Variants in CNTNAP2 observed in about 807,000 individuals in gnomAD.
CNTNAP2 encodes the protein contactin associated protein 2, also known as contactin-associated protein-like 2.
A neutral mutation model predicts 155.2 loss-of-function variants in CNTNAP2; 98 were observed. That is an observed-to-expected ratio of 0.63 (90% CI 0.54 to 0.75). CNTNAP2 has a LOEUF of 0.75. Ranked by LOEUF, CNTNAP2 falls within the 30% of genes least tolerant of loss-of-function variation. CNTNAP2 has a pLI of 0.00. For synonymous variants in CNTNAP2, 651 were observed against 631.2 expected (o/e 1.03, Z -0.47); for missense variants, 1,727 against 1,688.1 (o/e 1.02, Z -0.40).
intron 12 of CNTNAP2, among the ~76,000 whole-genome samples, chr7:147,627,893 A>T (rs1290045604): frequency 6.6e-6 from 1 of 151,240 alleles, no homozygotes; most frequent in Admixed American, 6.6e-5. Flanking sequence ...TTGGAGCTCA[A>T]AGACAAGGCT....
At chr7:146,206,311 T>C (rs1798945925) in intron 1 of CNTNAP2, among the ~76,000 whole-genome samples, 1 of 151,888 alleles carries the variant, frequency 6.6e-6, no homozygotes, top group Non-Finnish European at 1.5e-5. Flanking sequence ...CATACTATGT[T>C]GTGCTTAATG....
intron 12 of CNTNAP2, among the ~76,000 whole-genome samples, chr7:147,563,001 G>A (rs573037504): frequency 8.6e-4 from 131 of 152,302 alleles, no homozygotes; most frequent in Admixed American, 1.8e-3. Flanking sequence ...TAAGGGTAAT[G>A]ATAATAAGAT....
intron 3 of CNTNAP2, among the ~76,000 whole-genome samples, chr7:146,942,173 A>G (rs1234133853): frequency 6.6e-6 from 1 of 152,056 alleles, no homozygotes; most frequent in Non-Finnish European, 1.5e-5. Flanking sequence ...TCTTATGCAC[A>G]CTGGAATGGA....
Position 146,824,720 on chromosome 7 carries a change from T to A in CNTNAP2, c.209-14991T>A, listed in dbSNP as rs143977402. Among the ~76,000 whole-genome samples the A allele has an allele frequency of 2.6e-3, 391 of 152,276 alleles. 1 individual carries two copies. The highest frequency in any genetic ancestry group is 6.8e-3 in the Middle Eastern group (2 of 294). On this transcript the variant is annotated intron_variant, in intron 2 of 23. Transcript: ENST00000361727. ...GTCCAGTATGCTTTTTGTTATAATA[T>A]GTTACTTAAAGCTCAGACAGGAAAT...
At chr7:147,852,541 A>T (rs1476253883) in intron 13 of CNTNAP2, among the ~76,000 whole-genome samples, 1 of 152,164 alleles carries the variant, frequency 6.6e-6, no homozygotes, top group African/African-American at 2.4e-5. Flanking sequence ...TAACACTCTA[A>T]TGTTGAGATT....
At chr7:147,624,748 C>T (rs1794938429) in intron 12 of CNTNAP2, among the ~76,000 whole-genome samples, 1 of 152,224 alleles carries the variant, frequency 6.6e-6, no homozygotes, top group Non-Finnish European at 1.5e-5. Flanking sequence ...AGCAATCCTA[C>T]TGATGGGTAT....
At chr7:147,275,434 T>C (rs764856417) in intron 8 of CNTNAP2, among the ~76,000 whole-genome samples, 29 of 151,930 alleles carry the variant, frequency 1.9e-4, no homozygotes, top group Non-Finnish European at 7.4e-5. Context: ...TGTGTGTGTG[T>C]GTGGCTATTG....
rs191919444 is a variant in CNTNAP2, at chr7:147,067,163, C to A, written c.550+23109C>A. 3.1e-4 allele frequency among the ~76,000 whole-genome samples: 47 copies of A among 152,180 alleles called. No homozygotes were observed. The East Asian group carries it at 9.1e-3, about 30-fold the overall frequency. On this transcript the variant is annotated intron_variant, in intron 4 of 23. Coordinates refer to ENST00000361727, the MANE Select transcript of CNTNAP2 (RefSeq NM_014141.6). ...AAAATTAGCCGGGCATGGTGGCACA[C>A]ACCTGTAATCTCAGCTACTCAGGAG... is the stretch of plus-strand genomic sequence containing the variant.
At chr7:147,865,907 T>C (rs1460608801) in intron 13 of CNTNAP2, among the ~76,000 whole-genome samples, 1 of 152,180 alleles carries the variant, frequency 6.6e-6, no homozygotes, top group Admixed American at 6.5e-5. Context: ...AGGGTTTTTT[T>C]GTGTCTCTAT....
chr7:147,458,807 T>C (rs964278253), intron 10 of CNTNAP2, among the ~76,000 whole-genome samples: 8 of 152,232 alleles, frequency 5.3e-5, no homozygotes, highest in African/African-American at 1.7e-4. Context: ...TTTACGAACA[T>C]AAATTTTTCT....
At chr7:147,366,813 C>CACA (rs1563177553) in intron 9 of CNTNAP2, among the ~76,000 whole-genome samples, 5 of 83,000 alleles carry the variant, frequency 6.0e-5, no homozygotes, top group African/African-American at 2.0e-4. Context: ...ACACACACAC[C>CACA]CCAATGTTTA....
chr7:148,338,569 G>C (rs1323387970), intron 21 of CNTNAP2, among the ~76,000 whole-genome samples: 1 of 151,684 alleles, frequency 6.6e-6, no homozygotes, highest in Non-Finnish European at 1.5e-5. Context: ...TGAGGGGGGG[G>C]TGAGTTACTG....
At chr7:146,476,303 C>T (rs1160332880) in intron 1 of CNTNAP2, among the ~76,000 whole-genome samples, 1 of 152,040 alleles carries the variant, frequency 6.6e-6, no homozygotes, top group African/African-American at 2.4e-5. Flanking sequence ...ATATTTTATG[C>T]TCATTAGCAA....
chr7:147,140,420 T>A (rs1197619626), intron 8 of CNTNAP2, among the ~76,000 whole-genome samples: 1 of 151,990 alleles, frequency 6.6e-6, no homozygotes, highest in Non-Finnish European at 1.5e-5. Context: ...CCTCTGCTAT[T>A]TTATTTTTAA....
chr7:148,051,646 A>C (rs529650224), intron 15 of CNTNAP2, among the ~76,000 whole-genome samples: 1 of 152,334 alleles, frequency 6.6e-6, no homozygotes, highest in East Asian at 1.9e-4. Flanking sequence ...CTCTGAAATA[A>C]ACAAACAAAT....
At chr7:146,188,480 TAA>T (rs1049581918) in intron 1 of CNTNAP2, among the ~76,000 whole-genome samples, 6 of 152,178 alleles carry the variant, frequency 3.9e-5, no homozygotes, top group African/African-American at 7.2e-5. Context: ...AAGCCAAATG[TAA>T]AGTCTCTTAA....
At chr7:146,243,052 G>A (rs1421474277) in intron 1 of CNTNAP2, among the ~76,000 whole-genome samples, 1 of 133,236 alleles carries the variant, frequency 7.5e-6, no homozygotes, top group Non-Finnish European at 1.5e-5. Flanking sequence ...TCTTGTTTTT[G>A]TTTGTGATTT....
chr7:147,142,016 C>T (rs558027331), intron 8 of CNTNAP2, among the ~76,000 whole-genome samples: 1 of 152,244 alleles, frequency 6.6e-6, no homozygotes, highest in African/African-American at 2.4e-5. Context: ...ATGTCATCTG[C>T]GAACAGTGAC....
intron 1 of CNTNAP2, among the ~76,000 whole-genome samples, chr7:146,356,602 G>C (rs1795001858): frequency 6.6e-6 from 1 of 152,134 alleles, no homozygotes; most frequent in African/African-American, 2.4e-5. Context: ...TGAATGTGAA[G>C]TAAGATTAAT....
Sources: gnomAD v4.1 joint callset for allele counts (sites outside exome capture counted in the v4.1 genomes callset) on GRCh38, gnomAD v4.1.1 for gene constraint, MANE v1.5 for transcripts, NCBI Gene and HGNC (gene_info 2026-07-23, HGNC 2026-07-21) for gene names.